The following CTIF variants were observed in gnomAD, a reference collection of about 807,000 sequenced individuals.
The protein encoded by CTIF is cap binding complex dependent translation initiation factor.
CTIF carries 21 observed loss-of-function variants against 66.0 expected under a neutral mutation model. The ratio of observed to expected loss-of-function variants is 0.32; its 90% confidence interval spans 0.23 to 0.46. CTIF has a LOEUF of 0.46. Among genes scored for constraint, CTIF ranks in the 20% least tolerant of loss-of-function variants. CTIF has a pLI of 1.00. For missense variants in CTIF, 739 were observed against 812.7 expected, an observed-to-expected ratio of 0.91 and a Z score of 1.10; for synonymous variants, 345 against 326.4, an observed-to-expected ratio of 1.06 and a Z score of -0.62.
At chr18:48,641,018 T>C (rs554824586) in intron 3 of CTIF, among the ~76,000 whole-genome samples, 3 of 152,338 alleles carry the variant, frequency 2.0e-5, no homozygotes, top group Admixed American at 2.0e-4. Context: ...GGGATTCAGC[T>C]GTATTTGGGA....
rs190892478 is a variant in CTIF, at chr18:48,547,864, C to G, written c.-29+8552C>G. Among the ~76,000 whole-genome samples the G allele has an allele frequency of 2.1e-3, 313 of 152,234 alleles. 4 individuals carry two copies. The highest frequency in any genetic ancestry group is 0.021 in the South Asian group (99 of 4,820). On this transcript the variant is annotated intron_variant, in intron 1 of 11. Transcript: ENST00000256413. Reference sequence around the variant, plus strand: ...GGGGGAGTTCTGAGAAGCTTTGGCTCGGTGCTTTTCGGATGATCATGAGAG... The same window carrying G: ...GGGGGAGTTCTGAGAAGCTTTGGCTGGGTGCTTTTCGGATGATCATGAGAG...
chr18:48,585,720 A>C (rs907860681), intron 1 of CTIF, among the ~76,000 whole-genome samples: 2 of 152,164 alleles, frequency 1.3e-5, no homozygotes, highest in Non-Finnish European at 2.9e-5. Context: ...GCACTGCAAT[A>C]TACTCCAGCC....
chr18:48,567,007 G>A (rs1427092110), intron 1 of CTIF: 1 of 152,226 alleles, frequency 6.6e-6, no homozygotes, highest in Admixed American at 6.5e-5. Flanking sequence ...CAAAGGGTTA[G>A]TAGTCTCATT....
chr18:48,646,744 C>CAAA (rs60714827), intron 3 of CTIF, among the ~76,000 whole-genome samples: 1 of 119,432 alleles, frequency 8.4e-6, no homozygotes, highest in African/African-American at 3.0e-5. Context: ...GACCCTGTCT[C>CAAA]AAAAAAAAAA....
intron 7 of CTIF, among the ~76,000 whole-genome samples, chr18:48,752,566 C>A (rs989809071): frequency 6.6e-6 from 1 of 152,352 alleles, no homozygotes; most frequent in Non-Finnish European, 1.5e-5. Flanking sequence ...CTCTCTGGAC[C>A]TTGGTTTTCT....
At chr18:48,638,302 T>C (rs116679340) in intron 3 of CTIF, among the ~76,000 whole-genome samples, 1,540 of 152,258 alleles carry the variant, frequency 0.01, 26 homozygotes, top group African/African-American at 0.036. Context: ...AATAAGAGGT[T>C]TGTCACTGAG....
chr18:48,805,500 G>A (rs1306200070), intron 9 of CTIF, among the ~76,000 whole-genome samples: 2 of 152,128 alleles, frequency 1.3e-5, no homozygotes, highest in East Asian at 1.9e-4. Flanking sequence ...CGGGGTTGGG[G>A]TGGAGCTACA....
At chr18:48,803,762 T>A (rs77244830) in intron 9 of CTIF, among the ~76,000 whole-genome samples, 5,038 of 152,210 alleles carry the variant, frequency 0.033, 281 homozygotes, top group African/African-American at 0.12. Context: ...TTTGAGGGTT[T>A]GACATTTGGG....
chr18:48,649,570 T>C (rs1210548983), intron 3 of CTIF, among the ~76,000 whole-genome samples: 1 of 152,206 alleles, frequency 6.6e-6, no homozygotes, highest in Non-Finnish European at 1.5e-5. Context: ...GACTTAAACA[T>C]CCCTGTCTGA....
At chr18:48,608,571 G>C (rs10438977) in intron 1 of CTIF, among the ~76,000 whole-genome samples, 6 of 152,066 alleles carry the variant, frequency 3.9e-5, no homozygotes, top group Non-Finnish European at 8.8e-5. Flanking sequence ...GGGCCGGTCA[G>C]GGTGGCATCT....
At chr18:48,821,226 T>A (rs2068477248) in intron 10 of CTIF, among the ~76,000 whole-genome samples, 1 of 152,218 alleles carries the variant, frequency 6.6e-6, no homozygotes, top group Non-Finnish European at 1.5e-5. Flanking sequence ...TACTGCTCCA[T>A]CCTCACCCCA....
At chr18:48,649,886 C>G (rs766573453) in intron 3 of CTIF, among the ~76,000 whole-genome samples, 19 of 152,192 alleles carry the variant, frequency 1.2e-4, no homozygotes, top group Non-Finnish European at 2.8e-4. Flanking sequence ...CCTGAGGGAC[C>G]TGACTGTTAG....
intron 1 of CTIF, among the ~76,000 whole-genome samples, chr18:48,587,621 C>T (rs73956934): frequency 0.075 from 11,387 of 152,172 alleles, 692 homozygotes; most frequent in African/African-American, 0.17. Context: ...GGCAAGCCAG[C>T]TTTTTGGGGC....
chr18:48,655,240 G>T (rs1730597362), intron 3 of CTIF, among the ~76,000 whole-genome samples: 1 of 149,954 alleles, frequency 6.7e-6, no homozygotes, highest in African/African-American at 2.5e-5. Context: ...GGGAGGCCGA[G>T]GTTGCAGTAA....
At chr18:48,806,905 G>C (rs1429525769) in intron 9 of CTIF, among the ~76,000 whole-genome samples, 2 of 152,154 alleles carry the variant, frequency 1.3e-5, no homozygotes, top group African/African-American at 4.8e-5. Flanking sequence ...GGCTTAAATG[G>C]TAGCCTTAAA....
chr18:48,857,638 G>A lies in CTIF; in HGVS notation c.1578G>A (p.Met526Ile), dbSNP rs1391969445. The A allele has an allele frequency of 3.1e-6, 5 of 1,606,600 alleles. No individual in the cohort carries two copies. The highest frequency in any genetic ancestry group is 1.3e-5 in the African/African-American group (1 of 74,704). The change falls in exon 11 of 12, where the codon ATG becomes ATA. Residue 526 changes from methionine (M) to isoleucine (I), a missense_variant. By Grantham distance (10) the Met-to-Ile change is conservative (BLOSUM62 1). Transcript: ENST00000256413. ...AAGATGCTGTCCTTTGCTGCTCTAT[G>A]GAGGTAAGCTTTGGGGCTTCGACAT... is the stretch of plus-strand genomic sequence containing the variant. ...VKEDAVLCCS[M>I]ELQSTGRLLE... is the part of the protein sequence containing the mutation.
rs369443953 is a variant in CTIF, at chr18:48,758,139, C to T, written c.805C>T (p.Arg269Cys). 56 of 1,613,930 alleles carry T rather than the reference C, an allele frequency of 3.5e-5. No individual in the cohort carries two copies. The highest frequency in any genetic ancestry group is 1.6e-4 in the African/African-American group (12 of 74,880). ...PGDKGEAGAHRNAKETMTIEN... is the reference protein window; with the variant it reads ...PGDKGEAGAHCNAKETMTIEN... ...CGACAAGGGGGAGGCAGGCGCACAC[C>T]GCAATGCCAAAGAGACCATGACCAT... The change falls in exon 8 of 12, where the codon CGC (arginine) becomes TGC (cysteine). Residue 269 changes from arginine (R) to cysteine (C), a missense_variant. Arg to Cys is a radical substitution (Grantham distance 180, BLOSUM62 -3). Transcript: ENST00000256413.
At chr18:48,598,897 A>G (rs1302619817) in intron 1 of CTIF, among the ~76,000 whole-genome samples, 2 of 152,216 alleles carry the variant, frequency 1.3e-5, no homozygotes, top group Non-Finnish European at 2.9e-5. Context: ...GAGAAAGGGC[A>G]GGGGACAATC....
chr18:48,654,434 A>C (rs1194138864), intron 3 of CTIF, among the ~76,000 whole-genome samples: 1 of 152,244 alleles, frequency 6.6e-6, no homozygotes, highest in African/African-American at 2.4e-5. Context: ...ATACCATCTC[A>C]CACCAGTTAG....
Sources: allele counts gnomAD v4.1 joint callset (sites outside exome capture counted in the v4.1 genomes callset), GRCh38; gene constraint gnomAD v4.1.1; transcripts MANE v1.5; gene names NCBI Gene and HGNC (gene_info 2026-07-23, HGNC 2026-07-21).